Variants in TRMT1L observed in about 807,000 individuals in gnomAD.
TRMT1L encodes the protein tRNA methyltransferase 1L, also known as tRNA (guanine(27)-N(2))-dimethyltransferase.
TRMT1L carries 28 observed loss-of-function variants against 81.6 expected under a neutral mutation model. That is an observed-to-expected ratio of 0.34 (90% CI 0.25 to 0.47). The LOEUF (loss-of-function observed/expected upper bound fraction) is 0.47, where lower values mean the gene tolerates loss of function less well. TRMT1L is among the 20% of genes least tolerant of loss of function. TRMT1L has a pLI of 1.00. For synonymous variants in TRMT1L, 301 were observed against 303.2 expected (o/e 0.99, Z 0.07); for missense variants, 739 against 877.1 (o/e 0.84, Z 1.99).
At chr1:185,123,257 C>T (rs961517827) in intron 13 of TRMT1L, among the ~76,000 whole-genome samples, 1 of 152,078 alleles carries the variant, frequency 6.6e-6, no homozygotes, top group African/African-American at 2.4e-5. Context: ...ACTTAACACT[C>T]TACAGTCTTC....
At position 185,140,283 on chromosome 1, in the gene TRMT1L, G is replaced by A. The variant is rs1171997374; in HGVS notation, c.860-61C>T. The A allele has an allele frequency of 5.4e-6, 7 of 1,288,624 alleles. No homozygotes were observed. The Admixed American group carries it at 7.9e-5, about 14-fold the overall frequency. 79.8% of individuals were successfully genotyped at this position (1,288,624 alleles called of 1,614,324 possible). ...TGTAATAATTTTAAAGAATAAAAAT[G>A]GTATAACAACATTCAGTTTTATAAA... On this transcript the variant is annotated intron_variant, in intron 7 of 14. Coordinates refer to ENST00000367506, the MANE Select transcript of TRMT1L (RefSeq NM_030934.5).
intron 9 of TRMT1L, among the ~76,000 whole-genome samples, 163 bp downstream of exon 9, chr1:185,139,204 A>T (rs1233918358): frequency 2.0e-5 from 3 of 152,236 alleles, no homozygotes; most frequent in African/African-American, 7.2e-5. Context: ...CTTTTAAATA[A>T]AATTACAACA....
chr1:185,150,909 A>C (rs1249592445), intron 2 of TRMT1L, among the ~76,000 whole-genome samples: 2 of 152,198 alleles, frequency 1.3e-5, no homozygotes, highest in African/African-American at 2.4e-5. Flanking sequence ...CCTCTACTAA[A>C]CTGGCAACAA....
chr1:185,145,396 A>G, intron 5 of TRMT1L, 43 bp downstream of exon 5: 1 of 1,557,456 alleles, frequency 6.4e-7, no homozygotes, highest in Non-Finnish European at 8.8e-7. Context: ...ACCATTATTT[A>G]AGGATTTACA....
At chr1:185,153,198 CAAATT>C in intron 1 of TRMT1L, among the ~76,000 whole-genome samples, 1 of 152,250 alleles carries the variant, frequency 6.6e-6, no homozygotes, top group Middle Eastern at 3.4e-3. Flanking sequence ...ACACACTCTT[CAAATT>C]AAATTAAATT....
At position 185,128,822 on chromosome 1, in the gene TRMT1L, A is replaced by C. The variant is rs373492015; in HGVS notation, c.1514-75T>G. On this transcript the variant is annotated intron_variant, in intron 10 of 14. Coordinates refer to ENST00000367506, the MANE Select transcript of TRMT1L (RefSeq NM_030934.5). ...AATAGTAGTAATTGTTATATTAATA[A>C]TAATGTGCAGCTACTATATACTGAG... is the stretch of plus-strand genomic sequence containing the variant. 185 of 1,267,252 alleles carry C rather than the reference A, an allele frequency of 1.5e-4. 1 individual carries two copies. In the East Asian group the frequency reaches 3.2e-3, roughly 22 times the overall value. The allele number at this position is 1,267,252 out of a possible 1,614,324, so 78.5% of individuals were successfully genotyped here.
In TRMT1L at chr1:185,128,733, G is replaced by A; in HGVS notation, c.1528C>T (p.Gln510Ter). ...CTTCCATGACAGTTACAAGGCAGCT[G>A]TCTATATGGGTTTTCTGTAAAAAGA... is the stretch of plus-strand genomic sequence containing the variant. ...GNMVEENPYR[Q>*]LPCNCHGSMP... The change falls in exon 11 of 15, where the codon CAG becomes TAG. Residue 510 changes from glutamine (Q) to a stop codon, truncating the protein, a stop_gained. Transcript: ENST00000367506. LOFTEE classifies it high-confidence loss of function. The A allele has an allele frequency of 6.2e-7, 1 of 1,602,124 alleles. No homozygotes were observed. Among genetic ancestry groups the A allele is most frequent in the Non-Finnish European group, 8.5e-7 (1 of 1,177,268 alleles).
At chr1:185,133,017 G>A (rs1379362085) in intron 10 of TRMT1L, among the ~76,000 whole-genome samples, 1 of 152,192 alleles carries the variant, frequency 6.6e-6, no homozygotes, top group African/African-American at 2.4e-5. Flanking sequence ...ACTACAACAG[G>A]AGGGCTGTCT....
In TRMT1L at chr1:185,156,912, G is replaced by C; in HGVS notation, c.-200C>G. ...TAGAAAACAGAAAGCCAGAGGCAGCGATTCCAGATGCCCGTCCGCTTCCCT... is the reference window on the plus strand; with the variant it reads ...TAGAAAACAGAAAGCCAGAGGCAGCCATTCCAGATGCCCGTCCGCTTCCCT... On this transcript the variant is annotated 5_prime_UTR_variant, in exon 1 of 15. In the 5' UTR this introduces an upstream ATG that the reference lacks. Transcript: ENST00000367506. 1 of 692,254 alleles carries C rather than the reference G, an allele frequency of 1.4e-6. No individual in the cohort carries two copies. The allele number at this position is 692,254 out of a possible 1,614,324, so 42.9% of individuals were successfully genotyped here.
At chr1:185,137,195 A>G (rs1393143368) in intron 10 of TRMT1L, among the ~76,000 whole-genome samples, 3 of 152,334 alleles carry the variant, frequency 2.0e-5, no homozygotes, top group East Asian at 3.9e-4. Context: ...GGCCTGGCAT[A>G]TAGTAGAGGC....
At chr1:185,151,717 G>A in intron 2 of TRMT1L, 108 bp downstream of exon 2, 2 of 677,768 alleles carry the variant, frequency 3.0e-6, no homozygotes, top group Non-Finnish European at 4.7e-6. Context: ...CACTGTTCTA[G>A]TTCAGTAAGA....
chr1:185,146,445 T>C (rs1334555197), intron 4 of TRMT1L, among the ~76,000 whole-genome samples: 1 of 152,038 alleles, frequency 6.6e-6, no homozygotes, highest in Admixed American at 6.6e-5. Context: ...TTACAGCAAA[T>C]AGAAAATAGT....
At chr1:185,131,788 C>T (rs1652777483) in intron 10 of TRMT1L, among the ~76,000 whole-genome samples, 1 of 151,996 alleles carries the variant, frequency 6.6e-6, no homozygotes, top group Non-Finnish European at 1.5e-5. Context: ...TATAACTAAA[C>T]AGAGTTCCTG....
intron 10 of TRMT1L, among the ~76,000 whole-genome samples, chr1:185,136,748 G>A (rs1652909320): frequency 6.6e-6 from 1 of 152,166 alleles, no homozygotes; most frequent in Non-Finnish European, 1.5e-5. Flanking sequence ...CAGTATGATA[G>A]ACGTGTATGA....
chr1:185,123,708 TAAAC>T (rs1432720150), intron 13 of TRMT1L, 145 bp downstream of exon 13: 2 of 553,526 alleles, frequency 3.6e-6, no homozygotes, highest in Non-Finnish European at 3.1e-6. Context: ...TGAATGCTGA[TAAAC>T]AAGTTTTACT....
In TRMT1L at chr1:185,119,441, G is replaced by A. The variant is rs1189214327; in HGVS notation, c.*578C>T. 6.6e-6 allele frequency: 1 copy of A among 152,128 alleles called. No homozygotes were observed. The highest frequency in any genetic ancestry group is 1.5e-5 in the Non-Finnish European group (1 of 68,020). 9.4% of individuals were successfully genotyped at this position (152,128 alleles called of 1,614,324 possible). Reference sequence around the variant, plus strand: ...AATAAAGTATTTCTATCTCAGGCAAGTATTTAATTTCTTAAAAGCTAGTAA... The same window carrying A: ...AATAAAGTATTTCTATCTCAGGCAAATATTTAATTTCTTAAAAGCTAGTAA... On this transcript the variant is annotated 3_prime_UTR_variant, in exon 15 of 15. Coordinates refer to ENST00000367506, the MANE Select transcript of TRMT1L (RefSeq NM_030934.5).
Position 185,145,494 on chromosome 1 carries a change from T to C in TRMT1L, c.600A>G (p.Leu200=). The stretch of plus-strand genomic sequence containing the variant: ...TATTCATGTGGCGCCTAACATGTCC[T>C]AGCATATCAGTTCTTCTGGTGATTG... ...SATITRRTDM[L]GHVRRHMNKG... is the part of the protein sequence containing the mutation. The change falls in exon 5 of 15, where the codon CTA becomes CTG. Residue 200 remains leucine (L), a synonymous_variant. Transcript: ENST00000367506. The C allele has an allele frequency of 6.2e-7, 1 of 1,612,270 alleles. No homozygotes were observed. Among genetic ancestry groups the C allele is most frequent in the Middle Eastern group, 1.7e-4 (1 of 6,054 alleles).
rs1652444517 is a variant in TRMT1L at position 185,119,567 on chromosome 1, GTTC to G, written c.*449_*451del. 1 of 152,918 alleles carries G rather than the reference GTTC, an allele frequency of 6.5e-6. No individual in the cohort carries two copies. Among genetic ancestry groups the G allele is most frequent in the African/African-American group, 2.4e-5 (1 of 41,428 alleles). 9.5% of individuals were successfully genotyped at this position (152,918 alleles called of 1,614,324 possible). On this transcript the variant is annotated 3_prime_UTR_variant, in exon 15 of 15. Transcript: ENST00000367506. ...ATACATTATGACCTGTAAGAACATT[GTTC>G]TTCCTATTCTATTCAGGGTCATTTT...
In TRMT1L at chr1:185,128,688, T is replaced by A; in HGVS notation, c.1573A>T (p.Ile525Leu). ...CHGSMPGKTA[I>L]ELGPLWSSSL... ...ACATACCACAGAGGTCCAAGTTCTA[T>A]TGCTGTCTTTCCAGGCATGCTTCCA... The change falls in exon 11 of 15, where the codon ATA becomes TTA. Residue 525 changes from isoleucine to leucine, a missense_variant. Physicochemically the swap from Ile to Leu is conservative, Grantham distance 5 (BLOSUM62 2). Transcript: ENST00000367506. 6.2e-7 allele frequency: 1 copy of A among 1,612,648 alleles called. No individual in the cohort carries two copies. Among genetic ancestry groups the A allele is most frequent in the Non-Finnish European group, 8.5e-7 (1 of 1,179,476 alleles).
Sources: gnomAD v4.1 joint callset for allele counts (sites outside exome capture counted in the v4.1 genomes callset) on GRCh38, gnomAD v4.1.1 for gene constraint, MANE v1.5 for transcripts, NCBI Gene and HGNC (gene_info 2026-07-23, HGNC 2026-07-21) for gene names.